UNKL: variants seen among roughly 807,000 people sequenced by gnomAD.
The protein encoded by UNKL is unk like zinc finger.
UNKL carries 60 observed loss-of-function variants against 78.0 expected under a neutral mutation model. The ratio of observed to expected loss-of-function variants is 0.77; its 90% confidence interval spans 0.63 to 0.95. The LOEUF is 0.95. UNKL is among the 40% of genes least tolerant of loss of function. The probability of loss-of-function intolerance (pLI) is 0.00; values close to 1 mark genes in which losing one functional copy is unlikely to be tolerated. For missense variants in UNKL, 1,159 were observed against 1,045.7 expected (o/e 1.11, Z -1.49); for synonymous variants, 608 against 474.8 (o/e 1.28, Z -3.65).
At chr16:1,376,056 C>G (rs1201005239) in intron 10 of UNKL, among the ~76,000 whole-genome samples, 3 of 150,960 alleles carry the variant, frequency 2.0e-5, no homozygotes, top group African/African-American at 7.4e-5. Flanking sequence ...CTGTGGCGGG[C>G]AGGGCCTCTT....
In UNKL at chr16:1,413,940, G is replaced by A; in HGVS notation, c.193C>T (p.Pro65Ser). Residue 65 changes from proline to serine, a missense_variant, in exon 2 of 15, where the codon CCC becomes TCC. Physicochemically the swap from Pro to Ser is moderately conservative, Grantham distance 74. Coordinates refer to ENST00000389221, the MANE Select transcript of UNKL (RefSeq NM_001372107.1). ...WHFLNQRRRRPLRRRDGTFNY... is the reference protein window; with the variant it reads ...WHFLNQRRRRSLRRRDGTFNY... ...AAGGTGCCGTCGCGCCTGCGGAGGGGCCTGCGGCGCCGCTGGTTGAGGAAG... is the reference window on the plus strand; with the variant it reads ...AAGGTGCCGTCGCGCCTGCGGAGGGACCTGCGGCGCCGCTGGTTGAGGAAG... 1.9e-6 allele frequency: 3 copies of A among 1,553,646 alleles called. No homozygotes were observed. The highest frequency in any genetic ancestry group is 1.4e-5 in the African/African-American group (1 of 73,226).
chr16:1,374,581 C>T (rs758102865), intron 10 of UNKL, among the ~76,000 whole-genome samples: 8 of 152,186 alleles, frequency 5.3e-5, no homozygotes, highest in Non-Finnish European at 8.8e-5. Context: ...TTCAGACAAG[C>T]TGGGGCCCAG....
intron 11 of UNKL, 93 bp from the exon 12 acceptor site, chr16:1,370,450 A>AGGT (rs768391541): frequency 1.9e-4 from 226 of 1,166,336 alleles, no homozygotes; most frequent in Non-Finnish European, 2.5e-4. Context: ...CGGACCCTGC[A>AGGT]GGTGGTGGTG....
chr16:1,404,866 C>T (rs567112575), intron 2 of UNKL, among the ~76,000 whole-genome samples: 14 of 152,226 alleles, frequency 9.2e-5, no homozygotes, highest in African/African-American at 2.6e-4. Flanking sequence ...GGGGTAAACG[C>T]GGGCTTCCAG....
At position 1,370,001 on chromosome 16, in the gene UNKL, G is replaced by A. The variant is rs1373228870; in HGVS notation, c.1585+129C>T. ...GGCGTGGGGGAACCTGTGAGCAGCAGGTCATGTGGTTTGCCACCACAGATA... is the reference window on the plus strand; with the variant it reads ...GGCGTGGGGGAACCTGTGAGCAGCAAGTCATGTGGTTTGCCACCACAGATA... On this transcript the variant is annotated intron_variant, in intron 12 of 14. Transcript: ENST00000389221. 3.2e-6 allele frequency: 5 copies of A among 1,551,212 alleles called. No homozygotes were observed. The East Asian group carries it at 9.8e-5, about 30-fold the overall frequency.
intron 2 of UNKL, among the ~76,000 whole-genome samples, chr16:1,407,918 C>T (rs2037842990): frequency 6.6e-6 from 1 of 151,840 alleles, no homozygotes; most frequent in Non-Finnish European, 1.5e-5. Flanking sequence ...TGAAAATGGG[C>T]CTAGAGGCTG....
At chr16:1,371,291 G>A (rs762631952) in intron 11 of UNKL, among the ~76,000 whole-genome samples, 4 of 152,176 alleles carry the variant, frequency 2.6e-5, no homozygotes, top group Non-Finnish European at 5.9e-5. Context: ...GCAGGGGAGG[G>A]AAAGGGAGAG....
intron 2 of UNKL, among the ~76,000 whole-genome samples, chr16:1,408,225 C>A (rs1431287130): frequency 6.6e-6 from 1 of 151,738 alleles, no homozygotes; most frequent in African/African-American, 2.4e-5. Context: ...TCAGCTACAC[C>A]CCCGGGGCCT....
At chr16:1,395,965 TAG>T (rs2037242739) in intron 6 of UNKL, among the ~76,000 whole-genome samples, 1 of 152,064 alleles carries the variant, frequency 6.6e-6, no homozygotes, top group African/African-American at 2.4e-5. Flanking sequence ...TTTTTTTAGA[TAG>T]AGTCTTGCTC....
At chr16:1,410,275 A>T (rs1428440858) in intron 2 of UNKL, among the ~76,000 whole-genome samples, 1 of 150,562 alleles carries the variant, frequency 6.6e-6, no homozygotes, top group East Asian at 2.0e-4. Flanking sequence ...CAGAAAAAAA[A>T]AAAAAAGAGA....
intron 10 of UNKL, chr16:1,379,656 C>A (rs1470793931): frequency 1.4e-5 from 14 of 984,544 alleles, no homozygotes; most frequent in Non-Finnish European, 1.7e-5. Context: ...GGTCCGCGGC[C>A]GCCCCGCGCC....
In UNKL at chr16:1,384,289, G is replaced by A. The variant is rs551170853; in HGVS notation, c.1264+919C>T. Among the ~76,000 whole-genome samples, 3 of 151,306 alleles carry A rather than the reference G, an allele frequency of 2.0e-5. No individual in the cohort carries two copies. In the South Asian group the frequency reaches 6.3e-4, roughly 32 times the overall value. On this transcript the variant is annotated intron_variant, in intron 10 of 14. Transcript: ENST00000389221. ...CCACCCCAACACGGCCTTTCCCCAG[G>A]GGCTGAAAGGGACCAAGGACACACA...
Position 1,390,632 on chromosome 16 carries a change from C to G in UNKL, c.1086G>C (p.Gln362His), listed in dbSNP as rs2037008827. The G allele has an allele frequency of 2.0e-6, 3 of 1,535,904 alleles. No individual in the cohort carries two copies. Among genetic ancestry groups the G allele is most frequent in the Non-Finnish European group, 1.7e-6 (2 of 1,146,874 alleles). ...GPRGSEQDSK[Q>H]NHLAVFAAVH... ...GGTGGGAAACCTTGGGGGCCTGTAC[C>G]TGCTTGCTGTCTTGCTCGCTGCCCC... Residue 362 changes from glutamine to histidine, a missense_variant and splice_region_variant, in exon 9 of 15, where the codon CAG becomes CAC. Coordinates refer to ENST00000389221, the MANE Select transcript of UNKL (RefSeq NM_001372107.1).
At chr16:1,402,366 G>A (rs987126399) in intron 3 of UNKL, among the ~76,000 whole-genome samples, 1 of 152,064 alleles carries the variant, frequency 6.6e-6, no homozygotes, top group Admixed American at 6.5e-5. Context: ...TGTCTCATTA[G>A]AAATAACATC....
intron 2 of UNKL, chr16:1,408,909 C>G (rs2037906619): frequency 6.6e-6 from 1 of 151,458 alleles, no homozygotes; most frequent in South Asian, 2.1e-4. Context: ...AGTATCAACA[C>G]CCAAAATAGA....
chr16:1,413,164 G>A (rs2038117491), intron 2 of UNKL, among the ~76,000 whole-genome samples: 1 of 149,002 alleles, frequency 6.7e-6, no homozygotes, highest in Non-Finnish European at 1.5e-5. Flanking sequence ...AAGATCACTT[G>A]AGCCTAGGAG....
intron 8 of UNKL, among the ~76,000 whole-genome samples, chr16:1,391,511 C>A (rs1041068109): frequency 7.9e-5 from 12 of 152,026 alleles, no homozygotes; most frequent in Admixed American, 7.2e-4. Flanking sequence ...GTTGCCTAGG[C>A]GGGTCTCGAA....
chr16:1,399,686 G>A lies in UNKL; in HGVS notation c.599-177C>T, dbSNP rs2037433139. On this transcript the variant is annotated intron_variant, in intron 4 of 14. Coordinates refer to ENST00000389221, the MANE Select transcript of UNKL (RefSeq NM_001372107.1). This position sits in a 1 kb window ranked among gnomAD's most constrained non-coding sequence, Gnocchi z 5.8. ...TGTCAAAGGACTCGCGCTCCATGAGGGAAGCCGGGCCAGAAGGCCACGTGG... is the reference window on the plus strand; with the variant it reads ...TGTCAAAGGACTCGCGCTCCATGAGAGAAGCCGGGCCAGAAGGCCACGTGG... 1.0e-6 allele frequency: 1 copy of A among 961,494 alleles called. No individual in the cohort carries two copies. Among genetic ancestry groups the A allele is most frequent in the Non-Finnish European group, 1.5e-6 (1 of 659,890 alleles). 59.6% of individuals were successfully genotyped at this position (961,494 alleles called of 1,614,324 possible). A position where few individuals can be genotyped will look rare whatever the true frequency, so the allele number is the denominator to read the frequency against.
At chr16:1,375,760 C>A (rs2036168628) in intron 10 of UNKL, among the ~76,000 whole-genome samples, 2 of 152,210 alleles carry the variant, frequency 1.3e-5, no homozygotes, top group South Asian at 2.1e-4. Context: ...TCGGCGGAGC[C>A]AAAGGCAGGC....
Sources: allele counts gnomAD v4.1 joint callset (sites outside exome capture counted in the v4.1 genomes callset), GRCh38; gene constraint gnomAD v4.1.1; non-coding constraint Gnocchi (gnomAD v3.1); transcripts MANE v1.5; gene names NCBI Gene and HGNC (gene_info 2026-07-23, HGNC 2026-07-21).